The following ATP8B4 variants were observed in gnomAD, a reference collection of about 807,000 sequenced individuals.
The protein encoded by ATP8B4 is ATPase phospholipid transporting 8B4 (putative), also known as probable phospholipid-transporting ATPase IM.
ATP8B4 carries 133 observed loss-of-function variants against 145.6 expected under a neutral mutation model. The observed-to-expected ratio is 0.91, with a 90% confidence interval of 0.79 to 1.05. ATP8B4 has a LOEUF of 1.05. ATP8B4 is among the 50% of genes least tolerant of loss of function. The pLI is 0.00. For missense variants in ATP8B4, 1,458 were observed against 1,425.2 expected, an observed-to-expected ratio of 1.02 and a Z score of -0.37; for synonymous variants, 507 against 492.9, an observed-to-expected ratio of 1.03 and a Z score of -0.38.
chr15:49,972,920 A>G, intron 12 of ATP8B4, 130 bp from the exon 13 acceptor site: 2 of 799,784 alleles, frequency 2.5e-6, no homozygotes, highest in Non-Finnish European at 3.9e-6. Context: ...CTCTGTCCCT[A>G]GGTCCCAGGG....
chr15:50,158,468 C>A (rs529234401), intron 1 of ATP8B4, among the ~76,000 whole-genome samples: 1 of 150,168 alleles, frequency 6.7e-6, no homozygotes, highest in Non-Finnish European at 1.5e-5. Context: ...CCAGCCGCCC[C>A]GTCCGGGAGG....
intron 2 of ATP8B4, among the ~76,000 whole-genome samples, chr15:50,081,447 AT>A (rs1567322086): frequency 1.3e-5 from 2 of 152,298 alleles, no homozygotes; most frequent in South Asian, 4.1e-4. Flanking sequence ...TCTTGAAGTA[AT>A]TTTTTTAATA....
intron 23 of ATP8B4, among the ~76,000 whole-genome samples, chr15:49,894,535 A>C (rs1436456967): frequency 6.6e-6 from 1 of 152,242 alleles, no homozygotes; most frequent in African/African-American, 2.4e-5. Context: ...TCCTAGAATG[A>C]AAGGATGTAT....
intron 14 of ATP8B4, among the ~76,000 whole-genome samples, chr15:49,945,102 A>T (rs1567046662): frequency 6.6e-6 from 1 of 152,192 alleles, no homozygotes; most frequent in East Asian, 1.9e-4. Flanking sequence ...AAGAAGAACG[A>T]TCTCAGACAA....
In ATP8B4 at chr15:49,876,558, T is replaced by G. The variant is rs749428960; in HGVS notation, c.2782-35A>C. 1.9e-6 allele frequency: 3 copies of G among 1,612,728 alleles called. No homozygotes were observed. In the South Asian group the frequency reaches 3.3e-5, roughly 18 times the overall value. On this transcript the variant is annotated intron_variant, in intron 24 of 27. Transcript: ENST00000284509. ...GAGTGTAATTTCAGTGGAGAAGGAT[T>G]AAAAAGAGTCAGAGAGGCCTTGTAT...
At chr15:49,899,492 T>C (rs938642742) in intron 21 of ATP8B4, among the ~76,000 whole-genome samples, 18 of 152,150 alleles carry the variant, frequency 1.2e-4, no homozygotes, top group Non-Finnish European at 1.9e-4. Flanking sequence ...TAAATGAATA[T>C]AAAAACATAA....
intron 6 of ATP8B4, among the ~76,000 whole-genome samples, chr15:50,012,142 GACA>G (rs1460790639): frequency 6.6e-6 from 1 of 152,066 alleles, no homozygotes; most frequent in African/African-American, 2.4e-5. Context: ...TAACTAGTTT[GACA>G]ACAATAGAAG....
chr15:49,916,914 C>A lies in ATP8B4; in HGVS notation c.2141+20G>T, dbSNP rs767542652. 1.2e-6 allele frequency: 2 copies of A among 1,601,922 alleles called. No homozygotes were observed. Among genetic ancestry groups the A allele is most frequent in the Non-Finnish European group, 8.5e-7 (1 of 1,170,720 alleles). ...CTCCCTCTCGTCCTTCCATCCTTTC[C>A]TCCTTCCTTCAACACCTACCTGAGT... On this transcript the variant is annotated intron_variant, in intron 20 of 27. Transcript: ENST00000284509.
intron 3 of ATP8B4, among the ~76,000 whole-genome samples, chr15:50,064,414 G>A (rs2053236511): frequency 6.6e-6 from 1 of 152,090 alleles, no homozygotes; most frequent in Non-Finnish European, 1.5e-5. Context: ...TCTGATTGCT[G>A]TCCTCTGCTT....
Position 50,173,209 on chromosome 15 carries a change from T to C in ATP8B4, c.-43+9052A>G, listed in dbSNP as rs190674047. On this transcript the variant is annotated intron_variant, in intron 1 of 3. Transcript: ENST00000558829. ...TCTGGGAGGTGTACCCAACAGCTCA[T>C]TGAGAACAGGCCATGATGACGATGG... Among the ~76,000 whole-genome samples the C allele has an allele frequency of 6.1e-3, 922 of 152,268 alleles. 11 individuals carry two copies. Among genetic ancestry groups the C allele is most frequent in the African/African-American group, 0.022 (896 of 41,536 alleles).
chr15:50,068,244 G>A (rs972486934), intron 3 of ATP8B4, among the ~76,000 whole-genome samples: 7 of 152,182 alleles, frequency 4.6e-5, no homozygotes, highest in African/African-American at 1.7e-4. Flanking sequence ...AATAAAAGGA[G>A]TTCATGTTGC....
At chr15:50,062,879 C>T (rs1224346818) in intron 3 of ATP8B4, among the ~76,000 whole-genome samples, 1 of 152,120 alleles carries the variant, frequency 6.6e-6, no homozygotes, top group Non-Finnish European at 1.5e-5. Flanking sequence ...TGCTTCTAAC[C>T]TCAAAATCGT....
At chr15:50,090,129 G>A (rs568487559) in intron 2 of ATP8B4, among the ~76,000 whole-genome samples, 34 of 152,184 alleles carry the variant, frequency 2.2e-4, no homozygotes, top group African/African-American at 7.2e-4. Context: ...ACCAAACATC[G>A]CATGTTCTCA....
Position 49,972,765 on chromosome 15 carries a change from T to C in ATP8B4, c.1060A>G (p.Ser354Gly). ...VSVEVIRLGH[S>G]YFINWDRKMY... ...TTCCGGTCCCAGTTTATAAAATAAC[T>C]GTGTCCTAGACGAATTACTTCCACA... Residue 354 changes from serine to glycine, a missense_variant, in exon 13 of 28, where the codon AGT becomes GGT. Transcript: ENST00000284509. 1 of 1,613,998 alleles carries C rather than the reference T, an allele frequency of 6.2e-7. No homozygotes were observed. Among genetic ancestry groups the C allele is most frequent in the Admixed American group, 1.7e-5 (1 of 59,966 alleles).
intron 6 of ATP8B4, among the ~76,000 whole-genome samples, chr15:50,029,490 C>T (rs904574923): frequency 3.9e-5 from 6 of 152,100 alleles, no homozygotes; most frequent in African/African-American, 1.4e-4. Flanking sequence ...TCCTTCTCTT[C>T]TCTCATAAAG....
intron 6 of ATP8B4, among the ~76,000 whole-genome samples, chr15:50,026,885 G>GCA (rs938307445): frequency 3.9e-5 from 6 of 152,276 alleles, no homozygotes; most frequent in African/African-American, 1.2e-4. Flanking sequence ...TTGCACCAGA[G>GCA]CACATAACTG....
intron 1 of ATP8B4, among the ~76,000 whole-genome samples, chr15:50,177,476 G>A (rs565104343): frequency 6.6e-6 from 1 of 152,362 alleles, no homozygotes; most frequent in East Asian, 1.9e-4. Flanking sequence ...ACAAGGGCTG[G>A]ATCAGCATGG....
intron 3 of ATP8B4, among the ~76,000 whole-genome samples, chr15:50,054,808 A>C (rs1449854511): frequency 2.4e-4 from 30 of 123,374 alleles, no homozygotes; most frequent in African/African-American, 8.8e-4. Flanking sequence ...AAAAAAAAAA[A>C]ACAAAAAAAA....
At chr15:50,072,980 CTATATATATATATATA>C (rs374525582) in intron 3 of ATP8B4, among the ~76,000 whole-genome samples, 53 of 22,870 alleles carry the variant, frequency 2.3e-3, no homozygotes, top group East Asian at 4.7e-3. Flanking sequence ...CTCTCTCTCT[CTATATATATATATATA>C]TATATATATA....
Sources: allele counts gnomAD v4.1 joint callset (sites outside exome capture counted in the v4.1 genomes callset), GRCh38; gene constraint gnomAD v4.1.1; transcripts MANE v1.5; gene names NCBI Gene and HGNC (gene_info 2026-07-23, HGNC 2026-07-21).